The following KCNH7 variants were observed in gnomAD, a reference collection of about 807,000 sequenced individuals.
KCNH7 encodes the protein potassium voltage-gated channel subfamily H member 7.
In KCNH7, 49 loss-of-function variants were observed where a neutral mutation model predicts 120.8. The observed-to-expected ratio is 0.41, with a 90% CI of 0.32 to 0.51. The LOEUF (loss-of-function observed/expected upper bound fraction) is 0.51, where lower values mean the gene tolerates loss of function less well. Ranked by LOEUF, KCNH7 falls within the 20% of genes least tolerant of loss-of-function variation. The pLI, the probability that KCNH7 is intolerant of heterozygous loss-of-function variation, is 0.38. For synonymous variants in KCNH7, 547 were observed against 516.1 expected (o/e 1.06, Z -0.81); for missense variants, 1,097 against 1,446.6 (o/e 0.76, Z 3.92).
intron 2 of KCNH7, among the ~76,000 whole-genome samples, chr2:162,705,145 C>A (rs537487525): frequency 6.6e-6 from 1 of 152,152 alleles, no homozygotes; most frequent in African/African-American, 2.4e-5. Context: ...AAACTTACAT[C>A]AAATTAATCT....
chr2:162,463,750 T>C (rs1232858661), intron 6 of KCNH7, among the ~76,000 whole-genome samples: 1 of 151,302 alleles, frequency 6.6e-6, no homozygotes, highest in Non-Finnish European at 1.5e-5. Flanking sequence ...GTAGGCATAT[T>C]GATTACTAAG....
At chr2:162,487,995 G>A (rs910160421) in intron 6 of KCNH7, among the ~76,000 whole-genome samples, 8 of 152,124 alleles carry the variant, frequency 5.3e-5, no homozygotes, top group African/African-American at 1.9e-4. Flanking sequence ...CTCTCATTAG[G>A]CAACCCACCT....
At chr2:162,674,306 C>A (rs13025146) in intron 2 of KCNH7, among the ~76,000 whole-genome samples, 1 of 151,480 alleles carries the variant, frequency 6.6e-6, no homozygotes. Flanking sequence ...CGTGTGAAAC[C>A]TTTACGGGAA....
intron 2 of KCNH7, among the ~76,000 whole-genome samples, chr2:162,552,288 G>GT (rs1297155109): frequency 6.6e-6 from 1 of 152,080 alleles, no homozygotes; most frequent in Admixed American, 6.6e-5. Context: ...TATTTTACCA[G>GT]TTTTTTAGAC....
intron 7 of KCNH7, among the ~76,000 whole-genome samples, chr2:162,442,183 G>C (rs1395379874): frequency 6.6e-6 from 1 of 150,854 alleles, no homozygotes; most frequent in Non-Finnish European, 1.5e-5. Flanking sequence ...CCGCCACCAC[G>C]CCCAGCTAAT....
intron 2 of KCNH7, among the ~76,000 whole-genome samples, chr2:162,752,849 C>T (rs186088360): frequency 7.2e-4 from 105 of 145,536 alleles, no homozygotes; most frequent in East Asian, 4.3e-3. Flanking sequence ...TGCAGTGAGC[C>T]GAGATTGCGC....
intron 2 of KCNH7, among the ~76,000 whole-genome samples, chr2:162,771,176 C>A (rs1683039596): frequency 6.6e-6 from 1 of 152,084 alleles, no homozygotes; most frequent in Admixed American, 6.6e-5. Flanking sequence ...ACATTACTGG[C>A]TCCTTGAAAT....
intron 2 of KCNH7, among the ~76,000 whole-genome samples, chr2:162,734,324 T>A (rs187610512): frequency 2.6e-5 from 4 of 152,294 alleles, no homozygotes; most frequent in African/African-American, 9.6e-5. Context: ...GTAAAAGAAT[T>A]AACAATTTAG....
At chr2:162,618,709 G>T (rs888672812) in intron 2 of KCNH7, among the ~76,000 whole-genome samples, 5 of 152,174 alleles carry the variant, frequency 3.3e-5, no homozygotes, top group Non-Finnish European at 5.9e-5. Flanking sequence ...GATGGATCAA[G>T]TGAATCTTCC....
chr2:162,605,038 T>C (rs1694684905), intron 2 of KCNH7, among the ~76,000 whole-genome samples: 1 of 152,130 alleles, frequency 6.6e-6, no homozygotes. Flanking sequence ...AAATGAGTCC[T>C]AAAAATCTCG....
At chr2:162,777,587 A>C (rs575161829) in intron 2 of KCNH7, among the ~76,000 whole-genome samples, 1 of 152,284 alleles carries the variant, frequency 6.6e-6, no homozygotes, top group East Asian at 1.9e-4. Flanking sequence ...TAAGCCAAGC[A>C]CTATGCTAAG....
chr2:162,640,301 T>C (rs1336265691), intron 2 of KCNH7, among the ~76,000 whole-genome samples: 1 of 152,140 alleles, frequency 6.6e-6, no homozygotes, highest in Non-Finnish European at 1.5e-5. Flanking sequence ...TCAAGACTTA[T>C]AACATAGCTA....
intron 2 of KCNH7, among the ~76,000 whole-genome samples, chr2:162,753,800 T>C (rs1430541007): frequency 2.0e-5 from 3 of 152,182 alleles, no homozygotes; most frequent in Non-Finnish European, 4.4e-5. Flanking sequence ...ATCATTTCCC[T>C]TTCCTGTTTA....
chr2:162,427,957 T>C (rs1473931988), intron 8 of KCNH7, among the ~76,000 whole-genome samples: 1 of 151,844 alleles, frequency 6.6e-6, no homozygotes, highest in Non-Finnish European at 1.5e-5. Flanking sequence ...TTTTAAAAAT[T>C]ACTTCCATTA....
At chr2:162,566,605 AAC>A (rs932936512) in intron 2 of KCNH7, among the ~76,000 whole-genome samples, 3 of 152,074 alleles carry the variant, frequency 2.0e-5, no homozygotes, top group African/African-American at 7.2e-5. Context: ...TTAATCAGAA[AAC>A]ACTTATTAAG....
intron 2 of KCNH7, among the ~76,000 whole-genome samples, chr2:162,766,872 C>T (rs1682835849): frequency 9.2e-6 from 1 of 108,866 alleles, no homozygotes; most frequent in Middle Eastern, 4.5e-3. Context: ...ATTACACACA[C>T]ACACACACAC....
intron 9 of KCNH7, among the ~76,000 whole-genome samples, chr2:162,408,535 T>G (rs934991714): frequency 1.4e-4 from 22 of 151,984 alleles, no homozygotes; most frequent in African/African-American, 5.3e-4. Flanking sequence ...CTGTGTGTGC[T>G]CCAAACCTAT....
At chr2:162,687,140 T>C (rs1685921263) in intron 2 of KCNH7, among the ~76,000 whole-genome samples, 1 of 152,088 alleles carries the variant, frequency 6.6e-6, no homozygotes, top group Admixed American at 6.6e-5. Flanking sequence ...TGATTTTGCT[T>C]GGTCAGCCTC....
At chr2:162,661,652 A>C (rs1684962485) in intron 2 of KCNH7, among the ~76,000 whole-genome samples, 1 of 152,128 alleles carries the variant, frequency 6.6e-6, no homozygotes, top group South Asian at 2.1e-4. Flanking sequence ...GGATCTGTGA[A>C]TTCTGATACA....
Sources: allele counts gnomAD v4.1 joint callset (sites outside exome capture counted in the v4.1 genomes callset), GRCh38; gene constraint gnomAD v4.1.1; transcripts MANE v1.5; gene names NCBI Gene and HGNC (gene_info 2026-07-23, HGNC 2026-07-21).